The following LCOR variants were observed in gnomAD, a reference collection of about 807,000 sequenced individuals.
The protein encoded by LCOR is ligand-dependent corepressor.
A neutral mutation model predicts 64.4 loss-of-function variants in LCOR; 14 were observed. The ratio of observed to expected loss-of-function variants is 0.22; its 90% CI spans 0.14 to 0.34. The LOEUF (loss-of-function observed/expected upper bound fraction) is 0.34. LCOR is among the 10% of genes least tolerant of loss of function. The probability of loss-of-function intolerance (pLI) is 1.00; values close to 1 mark genes in which losing one functional copy is unlikely to be tolerated. For synonymous variants in LCOR, 643 were observed against 642.5 expected (o/e 1.00, Z -0.01); for missense variants, 1,686 against 1,765.3 (o/e 0.96, Z 0.80).
rs59758872 is a variant in LCOR, at chr10:96,892,677, T to C, written c.-329-14588T>C. Among the ~76,000 whole-genome samples, 1,518 of 152,248 alleles carry C rather than the reference T, an allele frequency of 1.0e-2. 22 individuals carry two copies. Among genetic ancestry groups the C allele is most frequent in the African/African-American group, 0.031 (1,302 of 41,542 alleles). ...CCTTGGAGGTGATAGGATTTCAACATATGAATTTTTGGGGGGACTCCAACA... is the reference window on the plus strand; with the variant it reads ...CCTTGGAGGTGATAGGATTTCAACACATGAATTTTTGGGGGGACTCCAACA... On this transcript the variant is annotated intron_variant, in intron 2 of 7. Transcript: ENST00000421806.
intron 7 of LCOR, among the ~76,000 whole-genome samples, chr10:96,966,440 A>G (rs1052069815): frequency 3.3e-5 from 5 of 151,830 alleles, no homozygotes; most frequent in Admixed American, 2.6e-4. Flanking sequence ...GTGTTAGCCA[A>G]GATGGTATCG....
intron 2 of LCOR, among the ~76,000 whole-genome samples, chr10:96,891,542 T>C (rs1364024636): frequency 1.2e-5 from 1 of 86,744 alleles, no homozygotes; most frequent in Non-Finnish European, 2.1e-5. Flanking sequence ...TTTTTTTTTT[T>C]TTTTTTTTTT....
At chr10:96,875,482 G>A (rs1412876466) in intron 2 of LCOR, among the ~76,000 whole-genome samples, 1 of 152,092 alleles carries the variant, frequency 6.6e-6, no homozygotes, top group African/African-American at 2.4e-5. Context: ...AAAGTTCAGT[G>A]GGATTCAGCT....
intron 2 of LCOR, among the ~76,000 whole-genome samples, chr10:96,850,736 CTG>C (rs1038733723): frequency 2.8e-4 from 42 of 152,302 alleles, no homozygotes; most frequent in African/African-American, 8.4e-4. Context: ...GCATGAGCGA[CTG>C]TGCTGGGCTT....
At chr10:96,955,688 A>G in intron 7 of LCOR, 2 of 1,614,200 alleles carry the variant, frequency 1.2e-6, no homozygotes, top group Non-Finnish European at 1.7e-6. Context: ...TACTGGAGGA[A>G]GCAATCTCAG....
chr10:96,920,127 A>G (rs545169724), intron 4 of LCOR, among the ~76,000 whole-genome samples: 2 of 151,476 alleles, frequency 1.3e-5, no homozygotes, highest in East Asian at 3.9e-4. Flanking sequence ...AAAGGGTTCC[A>G]ATTTTTCCGC....
chr10:96,859,212 G>C (rs953525346), intron 2 of LCOR, among the ~76,000 whole-genome samples: 1 of 151,928 alleles, frequency 6.6e-6, no homozygotes, highest in African/African-American at 2.4e-5. Flanking sequence ...TTTGTTCTTT[G>C]GCAGGTATGA....
At chr10:96,833,577 C>A in intron 2 of LCOR, 98 bp downstream of exon 2, 1 of 426,006 alleles carries the variant, frequency 2.3e-6, no homozygotes, top group Non-Finnish European at 3.1e-6. Flanking sequence ...TGTTACTTCC[C>A]CGTCTTTGCT....
intron 7 of LCOR, chr10:96,956,054 T>G (rs1338352863): frequency 6.9e-7 from 1 of 1,459,014 alleles, no homozygotes; most frequent in East Asian, 2.5e-5. Context: ...TTGACTTGTG[T>G]GTACAGAGAT....
chr10:96,930,857 A>T (rs1184486110), intron 4 of LCOR, among the ~76,000 whole-genome samples: 2 of 152,128 alleles, frequency 1.3e-5, no homozygotes. Flanking sequence ...GAAGGCCTTC[A>T]CCAGACACCG....
At chr10:96,867,596 C>A (rs979721186) in intron 2 of LCOR, among the ~76,000 whole-genome samples, 2 of 151,874 alleles carry the variant, frequency 1.3e-5, no homozygotes, top group African/African-American at 2.4e-5. Context: ...AATTCTGTCT[C>A]AAAAATATAT....
intron 2 of LCOR, among the ~76,000 whole-genome samples, chr10:96,847,725 A>AACC (rs1845657193): frequency 6.6e-6 from 1 of 152,208 alleles, no homozygotes; most frequent in South Asian, 2.1e-4. Context: ...TACAGGCGTG[A>AACC]ACCACCCCTC....
intron 5 of LCOR, among the ~76,000 whole-genome samples, chr10:96,945,811 G>A (rs1188571169): frequency 1.3e-5 from 2 of 152,006 alleles, no homozygotes; most frequent in African/African-American, 4.8e-5. Context: ...TTGCTTAGGG[G>A]ACATTAATAA....
rs1295769670 is a variant in LCOR at position 96,931,616 on chromosome 10, G to C, written c.-183-12497G>C. 2.6e-5 allele frequency among the ~76,000 whole-genome samples: 4 copies of C among 152,082 alleles called. No homozygotes were observed. The South Asian group carries it at 8.3e-4, about 32-fold the overall frequency. On this transcript the variant is annotated intron_variant, in intron 4 of 7. Transcript: ENST00000421806. The stretch of plus-strand genomic sequence containing the variant: ...ACTCCTTTAAAAGAAATTACTTAAA[G>C]GATATTGGGAAGTGGACGCAAAGTA...
chr10:96,928,361 G>A (rs1009476680), intron 4 of LCOR, among the ~76,000 whole-genome samples: 26 of 151,916 alleles, frequency 1.7e-4, no homozygotes, highest in African/African-American at 4.3e-4. Flanking sequence ...AGATTCCATC[G>A]TAAGAAACCA....
At chr10:96,890,233 G>A (rs967074673) in intron 2 of LCOR, among the ~76,000 whole-genome samples, 2 of 152,126 alleles carry the variant, frequency 1.3e-5, no homozygotes, top group African/African-American at 2.4e-5. Context: ...CTAGGACTAC[G>A]TACCACATCT....
intron 7 of LCOR, among the ~76,000 whole-genome samples, chr10:96,972,505 A>G (rs963539407): frequency 6.6e-6 from 1 of 152,196 alleles, no homozygotes; most frequent in Non-Finnish European, 1.5e-5. Context: ...CTGCTCTCCA[A>G]GTAACTTTCT....
At chr10:96,860,895 C>A (rs960821651) in intron 2 of LCOR, among the ~76,000 whole-genome samples, 10 of 152,138 alleles carry the variant, frequency 6.6e-5, no homozygotes, top group African/African-American at 2.2e-4. Flanking sequence ...ACAGTAAATA[C>A]ATGCCAATAT....
At chr10:96,870,162 A>G (rs1242232643) in intron 2 of LCOR, among the ~76,000 whole-genome samples, 2 of 151,348 alleles carry the variant, frequency 1.3e-5, no homozygotes, top group African/African-American at 4.9e-5. Context: ...AGCTGGGACT[A>G]CAGGCGCCCG....
Sources: allele counts gnomAD v4.1 joint callset (sites outside exome capture counted in the v4.1 genomes callset), GRCh38; gene constraint gnomAD v4.1.1; transcripts MANE v1.5; gene names NCBI Gene and HGNC (gene_info 2026-07-23, HGNC 2026-07-21).